The following STMN2 variants were observed in gnomAD, a reference collection of about 807,000 sequenced individuals.
STMN2 encodes stathmin 2, also known as stathmin-2.
A neutral mutation model predicts 24.1 loss-of-function variants in STMN2; 2 were observed. The ratio of observed to expected loss-of-function variants is 0.08; its 90% CI spans 0.03 to 0.26. The LOEUF is 0.26. Ranked by LOEUF, STMN2 falls within the 10% of genes least tolerant of loss-of-function variation. The pLI is 1.00. For synonymous variants in STMN2, 83 were observed against 77.5 expected (o/e 1.07, Z -0.37); for missense variants, 114 against 213.6 (o/e 0.53, Z 2.91).
At chr8:79,625,183 T>G (rs1384743494) in intron 1 of STMN2, among the ~76,000 whole-genome samples, 2 of 152,190 alleles carry the variant, frequency 1.3e-5, no homozygotes, top group Non-Finnish European at 2.9e-5. Flanking sequence ...TATAGACTTT[T>G]TTCCACATTT....
chr8:79,641,247 C>G, intron 2 of STMN2, 131 bp from the exon 3 acceptor site: 1 of 903,530 alleles, frequency 1.1e-6, no homozygotes, highest in Non-Finnish European at 1.6e-6. Context: ...AGAGCAAATG[C>G]TCATAAACAG....
intron 4 of STMN2, among the ~76,000 whole-genome samples, chr8:79,657,031 G>A (rs1358316494): frequency 1.3e-5 from 2 of 152,090 alleles, no homozygotes; most frequent in Admixed American, 6.5e-5. Context: ...ATACCACCAC[G>A]CCCAGCTAAT....
chr8:79,634,552 C>T (rs984314388), intron 1 of STMN2, among the ~76,000 whole-genome samples: 7 of 152,142 alleles, frequency 4.6e-5, no homozygotes, highest in African/African-American at 1.7e-4. Flanking sequence ...ACACATTGAA[C>T]CTCATCCTAA....
chr8:79,625,011 C>CTGTATA, intron 1 of STMN2, among the ~76,000 whole-genome samples: 1 of 152,176 alleles, frequency 6.6e-6, no homozygotes, highest in Admixed American at 6.5e-5. Flanking sequence ...CACTTTGAGA[C>CTGTATA]ATGTCTCATT....
intron 1 of STMN2, among the ~76,000 whole-genome samples, chr8:79,635,476 T>G (rs868204315): frequency 6.6e-6 from 1 of 152,236 alleles, no homozygotes; most frequent in African/African-American, 2.4e-5. Flanking sequence ...GGCAGCACTA[T>G]TCACAATAGC....
rs539502073 is a variant in STMN2, at chr8:79,616,285, G to T, written c.19+5071G>T. On this transcript the variant is annotated intron_variant, in intron 1 of 4. Coordinates refer to ENST00000220876, the MANE Select transcript of STMN2 (RefSeq NM_007029.4). Reference sequence around the variant, plus strand: ...AATTATTGAGCATCTCCTTGTAGTGGTTTTCTGTTTATTAGAAAATCGATG... The same window carrying T: ...AATTATTGAGCATCTCCTTGTAGTGTTTTTCTGTTTATTAGAAAATCGATG... Among the ~76,000 whole-genome samples the T allele has an allele frequency of 1.2e-4, 18 of 152,200 alleles. No homozygotes were observed. In the South Asian group the frequency reaches 3.7e-3, roughly 32 times the overall value.
rs1806572034 is a variant in STMN2, at chr8:79,664,968, T to C, written c.*94T>C. 3 of 1,102,592 alleles carry C rather than the reference T, an allele frequency of 2.7e-6. No homozygotes were observed. The highest frequency in any genetic ancestry group is 2.5e-5 in the South Asian group (1 of 40,140). The allele number at this position is 1,102,592 out of a possible 1,614,324, so 68.3% of individuals were successfully genotyped here. On this transcript the variant is annotated 3_prime_UTR_variant, in exon 5 of 5. Coordinates refer to ENST00000220876, the MANE Select transcript of STMN2 (RefSeq NM_007029.4). ...ATATCAGGATGGGGAATGTATGACA[T>C]GGTTTAAAAAGAACTCATTATAAAA...
intron 2 of STMN2, among the ~76,000 whole-genome samples, chr8:79,639,821 T>C (rs988567490): frequency 6.6e-6 from 1 of 152,234 alleles, no homozygotes; most frequent in African/African-American, 2.4e-5. Flanking sequence ...CTGTCATTTA[T>C]TTGTGATGAG....
intron 1 of STMN2, among the ~76,000 whole-genome samples, chr8:79,612,839 A>T (rs1380625712): frequency 6.6e-6 from 1 of 151,786 alleles, no homozygotes; most frequent in African/African-American, 2.4e-5. Context: ...GAAGAGGAAT[A>T]TGGGAGGGGC....
chr8:79,619,808 G>A (rs1809468660), intron 1 of STMN2, among the ~76,000 whole-genome samples: 1 of 151,962 alleles, frequency 6.6e-6, no homozygotes, highest in African/African-American at 2.4e-5. Flanking sequence ...AATTACCAAA[G>A]TTGTTCTAGT....
rs866639500 is a variant in STMN2 at position 79,656,283 on chromosome 8, G to A, written c.480+1221G>A. Among the ~76,000 whole-genome samples the A allele has an allele frequency of 3.3e-5, 5 of 152,186 alleles. 1 individual carries two copies. Among genetic ancestry groups the A allele is most frequent in the African/African-American group, 4.8e-5 (2 of 41,458 alleles). ...AAGACACTGAGGCTCTCAGAGGTCC[G>A]TGGACGAGTACTGCTGACTTGGGCA... On this transcript the variant is annotated intron_variant, in intron 4 of 4. Coordinates refer to ENST00000220876, the MANE Select transcript of STMN2 (RefSeq NM_007029.4).
At chr8:79,633,784 C>A (rs1038352949) in intron 1 of STMN2, among the ~76,000 whole-genome samples, 14 of 152,136 alleles carry the variant, frequency 9.2e-5, no homozygotes, top group African/African-American at 3.4e-4. Context: ...TGCGGGGACA[C>A]AAATATTCAG....
chr8:79,656,891 TGAGA>T (rs1806385304), intron 4 of STMN2, among the ~76,000 whole-genome samples: 1 of 152,038 alleles, frequency 6.6e-6, no homozygotes, highest in Non-Finnish European at 1.5e-5. Flanking sequence ...TTTGTTTTTT[TGAGA>T]TAGAGTCTCG....
At chr8:79,641,988 C>A (rs1162781158) in intron 3 of STMN2, among the ~76,000 whole-genome samples, 1 of 152,110 alleles carries the variant, frequency 6.6e-6, no homozygotes, top group Non-Finnish European at 1.5e-5. Flanking sequence ...TGTGTCACCC[C>A]CTTTGTCAGG....
At chr8:79,652,624 C>T (rs1470796844) in intron 3 of STMN2, among the ~76,000 whole-genome samples, 1 of 152,006 alleles carries the variant, frequency 6.6e-6, no homozygotes, top group African/African-American at 2.4e-5. Flanking sequence ...CTCCTTGTCA[C>T]AAGTGTCTTA....
intron 1 of STMN2, among the ~76,000 whole-genome samples, chr8:79,612,070 G>GC (rs140303216): frequency 7.1e-5 from 7 of 98,144 alleles, no homozygotes; most frequent in East Asian, 4.2e-4. Context: ...GCGCAGCCCC[G>GC]CCCCCCCGCC....
intron 1 of STMN2, among the ~76,000 whole-genome samples, chr8:79,625,839 T>A (rs1331928312): frequency 1.3e-5 from 2 of 151,986 alleles, no homozygotes; most frequent in African/African-American, 4.8e-5. Context: ...CCGCCTGTAA[T>A]CCCAGCTACT....
intron 1 of STMN2, among the ~76,000 whole-genome samples, chr8:79,627,903 A>C (rs1245519240): frequency 6.6e-6 from 1 of 152,162 alleles, no homozygotes; most frequent in Non-Finnish European, 1.5e-5. Flanking sequence ...AATGTCCTTC[A>C]GGCTTATCCA....
chr8:79,654,989 T>A lies in STMN2; in HGVS notation c.407T>A (p.Ile136Asn). ...AGCAAGATGGCGGAGGAAAAGCTGA[T>A]CCTGAAAATGGAACAAATTAAGGAA... ...NFSKMAEEKLILKMEQIKENR... is the reference protein window; with the variant it reads ...NFSKMAEEKLNLKMEQIKENR... Residue 136 changes from isoleucine (I) to asparagine (N), a missense_variant, in exon 4 of 5, where the codon ATC becomes AAC. Coordinates refer to ENST00000220876, the MANE Select transcript of STMN2 (RefSeq NM_007029.4). 3 of 1,614,030 alleles carry A rather than the reference T, an allele frequency of 1.9e-6. No homozygotes were observed. Among genetic ancestry groups the A allele is most frequent in the Non-Finnish European group, 2.5e-6 (3 of 1,179,952 alleles).
Sources: allele counts gnomAD v4.1 joint callset (sites outside exome capture counted in the v4.1 genomes callset), GRCh38; gene constraint gnomAD v4.1.1; transcripts MANE v1.5; gene names NCBI Gene and HGNC (gene_info 2026-07-23, HGNC 2026-07-21).